Variants in NF1 observed in about 807,000 individuals in gnomAD.
NF1 encodes the protein neurofibromin.
NF1 carries 122 observed loss-of-function variants against 325.7 expected under a neutral mutation model. That is an observed-to-expected ratio of 0.37 (90% CI 0.32 to 0.44). The LOEUF is 0.44. NF1 is among the 20% of genes least tolerant of loss of function. The pLI is 1.00. For synonymous variants in NF1, 1,091 were observed against 1,186.0 expected (o/e 0.92, Z 1.65); for missense variants, 2,140 against 3,415.4 (o/e 0.63, Z 9.31).
intron 36 of NF1, among the ~76,000 whole-genome samples, chr17:31,313,418 T>C (rs1209192806): frequency 6.6e-6 from 1 of 152,054 alleles, no homozygotes; most frequent in African/African-American, 2.4e-5. Flanking sequence ...ACAAATATGA[T>C]TGTGGCTGGG....
intron 56 of NF1, chr17:31,359,233 C>G: frequency 1.9e-6 from 1 of 534,810 alleles, no homozygotes; most frequent in Non-Finnish European, 3.3e-6. Flanking sequence ...ACAAAGTCAA[C>G]TTATGATCAA....
At chr17:31,146,681 T>C (rs1916610825) in intron 1 of NF1, among the ~76,000 whole-genome samples, 1 of 152,246 alleles carries the variant, frequency 6.6e-6, no homozygotes, top group Non-Finnish European at 1.5e-5. Context: ...TGAGGAGCAC[T>C]GGGCAAATGC....
At chr17:31,330,076 T>A (rs942492370) in intron 38 of NF1, among the ~76,000 whole-genome samples, 1 of 152,214 alleles carries the variant, frequency 6.6e-6, no homozygotes, top group Non-Finnish European at 1.5e-5. Flanking sequence ...AGTGCTCTTA[T>A]GGTTATATCA....
chr17:31,182,829 C>G (rs2066162632), intron 8 of NF1, 164 bp downstream of exon 8: 2 of 668,746 alleles, frequency 3.0e-6, no homozygotes, highest in East Asian at 5.4e-5. Flanking sequence ...GAGACATACT[C>G]ATACATAATT....
chr17:31,189,451 A>G lies in NF1; in HGVS notation c.888+6786A>G, dbSNP rs549773897. 2.2e-3 allele frequency among the ~76,000 whole-genome samples: 335 copies of G among 152,298 alleles called. 5 individuals are homozygous for G. The highest frequency in any genetic ancestry group is 1.0e-3 in the South Asian group (5 of 4,824). On this transcript the variant is annotated intron_variant, in intron 8 of 57. Transcript: ENST00000358273. ...ATTCAGCGATTTTAGTACATTAACA[A>G]AGTTGTACAATCATCACCATTGTTT...
intron 51 of NF1, among the ~76,000 whole-genome samples, chr17:31,355,211 T>A (rs2151580050): frequency 6.6e-6 from 1 of 152,176 alleles, no homozygotes; most frequent in East Asian, 1.9e-4. Flanking sequence ...AAAGGACAAG[T>A]GAGAAAGGAA....
chr17:31,299,983 A>G (rs2068541923), intron 36 of NF1, among the ~76,000 whole-genome samples: 2 of 152,088 alleles, frequency 1.3e-5, no homozygotes, highest in East Asian at 1.9e-4. Context: ...TCATCTCACA[A>G]TAATTTCAAA....
intron 57 of NF1, among the ~76,000 whole-genome samples, chr17:31,368,844 C>G (rs1345632314): frequency 1.3e-5 from 2 of 152,164 alleles, no homozygotes; most frequent in African/African-American, 4.8e-5. Context: ...TTGATCCAAA[C>G]AAGTCTCAAA....
chr17:31,263,120 T>TAGATAGATAGATAGATAGATA (rs149743607), intron 35 of NF1, among the ~76,000 whole-genome samples: 15 of 95,768 alleles, frequency 1.6e-4, no homozygotes, highest in African/African-American at 4.1e-4. Flanking sequence ...GATAGATAGA[T>TAGATAGATAGATAGATAGATA]AGATAAGATA....
chr17:31,248,471 C>G (rs1042953989), intron 29 of NF1, among the ~76,000 whole-genome samples: 4 of 152,050 alleles, frequency 2.6e-5, no homozygotes, highest in Non-Finnish European at 5.9e-5. Context: ...GTTAATAATC[C>G]TGAATAATAT....
intron 57 of NF1, 164 bp downstream of exon 57, chr17:31,360,867 G>A: frequency 1.5e-6 from 1 of 671,632 alleles, no homozygotes; most frequent in Admixed American, 2.3e-5. Context: ...GTTATTCTAT[G>A]AAGCTTTCTA....
At chr17:31,275,974 C>T (rs978993234) in intron 36 of NF1, among the ~76,000 whole-genome samples, 4 of 151,980 alleles carry the variant, frequency 2.6e-5, no homozygotes, top group African/African-American at 9.7e-5. Flanking sequence ...CTTTGGGAGG[C>T]CGAGGTGGGC....
chr17:31,300,829 A>G (rs1168321787), intron 36 of NF1, among the ~76,000 whole-genome samples: 1 of 151,942 alleles, frequency 6.6e-6, no homozygotes, highest in African/African-American at 2.4e-5. Context: ...GAACTTTGGG[A>G]TTTATTGTCC....
intron 56 of NF1, chr17:31,359,921 G>A (rs1461561497): frequency 6.2e-6 from 1 of 162,598 alleles, no homozygotes; most frequent in African/African-American, 2.4e-5. Context: ...AGATACAGGG[G>A]GTGCTAAATC....
At chr17:31,099,914 C>T in intron 1 of NF1, among the ~76,000 whole-genome samples, 1 of 151,452 alleles carries the variant, frequency 6.6e-6, no homozygotes, top group East Asian at 1.9e-4. Context: ...AAATTAGAAC[C>T]TTCTGTGTAT....
At chr17:31,246,249 C>G (rs1211354949) in intron 29 of NF1, among the ~76,000 whole-genome samples, 1 of 152,210 alleles carries the variant, frequency 6.6e-6, no homozygotes, top group Non-Finnish European at 1.5e-5. Context: ...GCCGCACCTA[C>G]TTTCTCTTTC....
intron 36 of NF1, chr17:31,319,135 T>A: frequency 8.9e-7 from 1 of 1,125,508 alleles, no homozygotes; most frequent in Non-Finnish European, 1.3e-6. Context: ...TACAAGCTTA[T>A]GCCTAATATT....
chr17:31,168,966 T>C (rs1055189241), intron 4 of NF1, among the ~76,000 whole-genome samples: 7 of 152,296 alleles, frequency 4.6e-5, no homozygotes, highest in East Asian at 1.9e-4. Flanking sequence ...ATACAGTCCA[T>C]GTAGGGAATG....
intron 1 of NF1, among the ~76,000 whole-genome samples, chr17:31,099,689 A>G (rs1912124613): frequency 6.6e-6 from 1 of 151,140 alleles, no homozygotes; most frequent in Admixed American, 6.6e-5. Flanking sequence ...CCTCCCAAGT[A>G]GCTGGGATTA....
Sources: gnomAD v4.1 joint callset for allele counts (sites outside exome capture counted in the v4.1 genomes callset) on GRCh38, gnomAD v4.1.1 for gene constraint, MANE v1.5 for transcripts, NCBI Gene and HGNC (gene_info 2026-07-23, HGNC 2026-07-21) for gene names.